The following ARF3 variants were observed in gnomAD, a reference collection of about 807,000 sequenced individuals.
The protein encoded by ARF3 is ADP-ribosylation factor 3.
Under a neutral mutation model 19.3 loss-of-function variants are expected in ARF3, and 5 were observed. The ratio of observed to expected loss-of-function variants is 0.26; its 90% confidence interval spans 0.14 to 0.54. The LOEUF (loss-of-function observed/expected upper bound fraction) is 0.54, where lower values mean the gene tolerates loss of function less well. ARF3 is among the 20% of genes least tolerant of loss of function. The pLI is 0.95. For synonymous variants in ARF3, 71 were observed against 89.2 expected, an observed-to-expected ratio of 0.80 and a Z score of 1.15; for missense variants, 77 against 234.2, an observed-to-expected ratio of 0.33 and a Z score of 4.38.
At chr12:48,957,172 G>C (rs1940586251) in intron 1 of ARF3, 138 bp downstream of exon 1, 1 of 151,256 alleles carries the variant, frequency 6.6e-6, no homozygotes, top group African/African-American at 2.4e-5. Context: ...CCCTCTCTGA[G>C]CTCTCGGGTG....
intron 1 of ARF3, among the ~76,000 whole-genome samples, chr12:48,952,388 T>C (rs143392230): frequency 6.6e-6 from 1 of 152,334 alleles, no homozygotes; most frequent in Non-Finnish European, 1.5e-5. Flanking sequence ...ACTAGACTCA[T>C]TTGTTTCTTT....
In ARF3 at chr12:48,939,546, T is replaced by C. The variant is rs753107355; in HGVS notation, c.384+109A>G. 68 of 1,483,508 alleles carry C rather than the reference T, an allele frequency of 4.6e-5. 1 individual carries two copies. The highest frequency in any genetic ancestry group is 5.7e-5 in the Non-Finnish European group (62 of 1,086,168). 91.9% of individuals were successfully genotyped at this position (1,483,508 alleles called of 1,614,324 possible). Reference sequence around the variant, plus strand: ...CCAAGTGCTCAGTTTCCCACGCTTCTAACATTGAGAGCATACTAAAAGGGT... The same window carrying C: ...CCAAGTGCTCAGTTTCCCACGCTTCCAACATTGAGAGCATACTAAAAGGGT... On this transcript the variant is annotated intron_variant, in intron 4 of 4. Transcript: ENST00000256682. The surrounding 1 kb of genome is among the most constrained non-coding windows in gnomAD (Gnocchi z 4.8).
rs1348534549 is a variant in ARF3 at position 48,938,423 on chromosome 12, C to G, written c.*524G>C. 3.1e-5 allele frequency: 14 copies of G among 454,058 alleles called. No individual in the cohort carries two copies. Among genetic ancestry groups the G allele is most frequent in the South Asian group, 9.3e-5 (6 of 64,464 alleles). 28.1% of individuals were successfully genotyped at this position (454,058 alleles called of 1,614,324 possible). A position where few individuals can be genotyped will look rare whatever the true frequency, so the allele number is the denominator to read the frequency against. ...GCAAGCCCTGAGCTTCACTCCACCC[C>G]CTCCCCGCTCCCCCCGGCCCCCACA... On this transcript the variant is annotated 3_prime_UTR_variant, in exon 5 of 5. Coordinates refer to ENST00000256682, the MANE Select transcript of ARF3 (RefSeq NM_001659.3).
At position 48,941,183 on chromosome 12, in the gene ARF3, T is replaced by G; in HGVS notation, c.-88A>C. 7.1e-7 allele frequency: 1 copy of G among 1,403,224 alleles called. No individual in the cohort carries two copies. Among genetic ancestry groups the G allele is most frequent in the Non-Finnish European group, 9.7e-7 (1 of 1,032,522 alleles). 86.9% of individuals were successfully genotyped at this position (1,403,224 alleles called of 1,614,324 possible). A position where few individuals can be genotyped will look rare whatever the true frequency, so the allele number is the denominator to read the frequency against. On this transcript the variant is annotated 5_prime_UTR_variant, in exon 2 of 5. Transcript: ENST00000256682. ...TGGCCTGGTCCCTGGTATGGAAGACTTGATCCTAGACAAAGGAAATGTAAA... is the reference window on the plus strand; with the variant it reads ...TGGCCTGGTCCCTGGTATGGAAGACGTGATCCTAGACAAAGGAAATGTAAA...
intron 1 of ARF3, among the ~76,000 whole-genome samples, chr12:48,951,050 G>C (rs1384158153): frequency 6.6e-6 from 1 of 152,162 alleles, no homozygotes; most frequent in Non-Finnish European, 1.5e-5. Flanking sequence ...GCCTCTCAAA[G>C]TGCTGGGATT....
intron 1 of ARF3, among the ~76,000 whole-genome samples, chr12:48,951,993 A>C (rs1218453671): frequency 6.6e-6 from 1 of 152,216 alleles, no homozygotes; most frequent in Non-Finnish European, 1.5e-5. Flanking sequence ...CAAGAGAGCA[A>C]GACATCATAG....
At chr12:48,954,997 TAAAA>T (rs769958182) in intron 1 of ARF3, among the ~76,000 whole-genome samples, 4 of 152,134 alleles carry the variant, frequency 2.6e-5, no homozygotes, top group African/African-American at 4.8e-5. Context: ...CCTGGGTGGA[TAAAA>T]ATAAAGGTAT....
At position 48,939,130 on chromosome 12, in the gene ARF3, T is replaced by A; in HGVS notation, c.385-22A>T. On this transcript the variant is annotated intron_variant, in intron 4 of 4. Coordinates refer to ENST00000256682, the MANE Select transcript of ARF3 (RefSeq NM_001659.3). This position sits in a 1 kb window ranked among gnomAD's most constrained non-coding sequence, Gnocchi z 4.8. ...GATCCTGGAGCACGTGGGAGACACA[T>A]AAAAAGAAGCCTCAGGATTTTTTAA... 1 of 1,602,194 alleles carries A rather than the reference T, an allele frequency of 6.2e-7. No individual in the cohort carries two copies. The highest frequency in any genetic ancestry group is 8.5e-7 in the Non-Finnish European group (1 of 1,172,150).
At position 48,939,737 on chromosome 12, in the gene ARF3, T is replaced by C; in HGVS notation, c.302A>G (p.Asn101Ser). The change falls in exon 4 of 5, where the codon AAT (asparagine) becomes AGT (serine). Residue 101 changes from asparagine to serine, a missense_variant. Around this residue, in one of 3 missense-constraint regions of ARF3, gnomAD observed 53 missense variants for 121.2 expected, o/e 0.44. Coordinates refer to ENST00000256682, the MANE Select transcript of ARF3 (RefSeq NM_001659.3). The surrounding 1 kb of genome is among the most constrained non-coding windows in gnomAD (Gnocchi z 4.8). ...TCTCATCAGCTCTTCCCGGGCCTCA[T>C]TTACTCGCTCCCGATCATTGCTGTC... ...VVDSNDRERV[N>S]EAREELMRML... 1.2e-6 allele frequency: 2 copies of C among 1,614,122 alleles called. No homozygotes were observed. The highest frequency in any genetic ancestry group is 1.7e-6 in the Non-Finnish European group (2 of 1,180,030).
chr12:48,945,454 G>A (rs1000818505), intron 1 of ARF3, among the ~76,000 whole-genome samples: 1 of 151,934 alleles, frequency 6.6e-6, no homozygotes, highest in African/African-American at 2.4e-5. Flanking sequence ...GTGGCTACTC[G>A]GGAGGCTGAG....
chr12:48,941,527 G>A (rs1398422477), intron 1 of ARF3: 1 of 153,294 alleles, frequency 6.5e-6, no homozygotes, highest in East Asian at 1.9e-4. Flanking sequence ...CAAAGGCATT[G>A]TAAGATCATT....
At chr12:48,955,684 TG>T (rs1940551166) in intron 1 of ARF3, 1 of 152,224 alleles carries the variant, frequency 6.6e-6, no homozygotes, top group Non-Finnish European at 1.5e-5. Context: ...AAATTCATCA[TG>T]GGTACCTACT....
In ARF3 at chr12:48,939,944, A is replaced by T; in HGVS notation, c.259+53T>A. The T allele has an allele frequency of 6.3e-7, 1 of 1,591,006 alleles. No homozygotes were observed. Among genetic ancestry groups the T allele is most frequent in the Non-Finnish European group, 8.6e-7 (1 of 1,159,260 alleles). On this transcript the variant is annotated intron_variant, in intron 3 of 4. Transcript: ENST00000256682. The surrounding 1 kb of genome is among the most constrained non-coding windows in gnomAD (Gnocchi z 4.8). ...AACAGTTGGCCACCCATTAACAAAGACAGCCACACTCTCTGCTCATACCCA... is the reference window on the plus strand; with the variant it reads ...AACAGTTGGCCACCCATTAACAAAGTCAGCCACACTCTCTGCTCATACCCA...
intron 1 of ARF3, among the ~76,000 whole-genome samples, chr12:48,945,228 T>C (rs1940338212): frequency 1.3e-5 from 2 of 149,252 alleles, no homozygotes; most frequent in African/African-American, 5.0e-5. Context: ...GTGGATCACC[T>C]GAGGTCAGGA....
At position 48,936,537 on chromosome 12, in the gene ARF3, TTAGCA is replaced by T. The variant is rs1269975295; in HGVS notation, c.*2405_*2409del. ...AGAAAGGACCACCCCTGCCAAGGGC[TTAGCA>T]GCCAGGGATACTACCAAGATCACTT... On this transcript the variant is annotated 3_prime_UTR_variant, in exon 5 of 5. Coordinates refer to ENST00000256682, the MANE Select transcript of ARF3 (RefSeq NM_001659.3). 1 of 152,668 alleles carries T rather than the reference TTAGCA, an allele frequency of 6.6e-6. No homozygotes were observed. The highest frequency in any genetic ancestry group is 1.5e-5 in the Non-Finnish European group (1 of 68,100). 9.5% of individuals were successfully genotyped at this position (152,668 alleles called of 1,614,324 possible).
At chr12:48,949,090 G>A (rs568487284) in intron 1 of ARF3, among the ~76,000 whole-genome samples, 1 of 152,362 alleles carries the variant, frequency 6.6e-6, no homozygotes, top group Admixed American at 6.5e-5. Flanking sequence ...AGGATTTAAT[G>A]AGTGCTTAAA....
chr12:48,946,425 G>A (rs1027360306), intron 1 of ARF3, among the ~76,000 whole-genome samples: 10 of 152,238 alleles, frequency 6.6e-5, no homozygotes, highest in African/African-American at 9.6e-5. Flanking sequence ...GTGTTTATAG[G>A]GCAAAATGCC....
At chr12:48,947,871 G>C (rs1268680545) in intron 1 of ARF3, among the ~76,000 whole-genome samples, 1 of 152,102 alleles carries the variant, frequency 6.6e-6, no homozygotes, top group Non-Finnish European at 1.5e-5. Flanking sequence ...GAAGTAATCA[G>C]ACAATAAAGA....
Position 48,941,232 on chromosome 12 carries a change from G to C in ARF3, c.-93-44C>G, listed in dbSNP as rs560099812. 8.9e-5 allele frequency: 92 copies of C among 1,030,252 alleles called. 3 individuals are homozygous for C. In the South Asian group the frequency reaches 1.5e-3, roughly 17 times the overall value. The allele number at this position is 1,030,252 out of a possible 1,614,324, so 63.8% of individuals were successfully genotyped here. A position where few individuals can be genotyped will look rare whatever the true frequency, so the allele number is the denominator to read the frequency against. ...AAATCATACCATCATTTGCTTGTCAGGACTTCCAAGTAAATAGAATTTCCC... is the reference window on the plus strand; with the variant it reads ...AAATCATACCATCATTTGCTTGTCACGACTTCCAAGTAAATAGAATTTCCC... On this transcript the variant is annotated intron_variant, in intron 1 of 4. Coordinates refer to ENST00000256682, the MANE Select transcript of ARF3 (RefSeq NM_001659.3).
Sources: gnomAD v4.1 joint callset for allele counts (sites outside exome capture counted in the v4.1 genomes callset) on GRCh38, gnomAD v4.1.1 for gene constraint, gnomAD v4.1.1 regional missense constraint, Gnocchi (gnomAD v3.1) non-coding constraint, MANE v1.5 for transcripts, NCBI Gene and HGNC (gene_info 2026-07-23, HGNC 2026-07-21) for gene names.